Variants in CMPK1 observed in about 807,000 individuals in gnomAD.
The protein encoded by CMPK1 is cytidine/uridine monophosphate kinase 1, also known as UMP-CMP kinase.
In CMPK1, 10 loss-of-function variants were observed where a neutral mutation model predicts 25.7. The ratio of observed to expected loss-of-function variants is 0.39; its 90% CI spans 0.24 to 0.66. The LOEUF is 0.66. CMPK1 is among the 30% of genes least tolerant of loss of function. The pLI is 0.48. For synonymous variants in CMPK1, 106 were observed against 101.5 expected, an observed-to-expected ratio of 1.04 and a Z score of -0.27; for missense variants, 199 against 280.5, an observed-to-expected ratio of 0.71 and a Z score of 2.08.
At chr1:47,358,513 T>G (rs1570368489) in intron 1 of CMPK1, 6 of 1,016,904 alleles carry the variant, frequency 5.9e-6, no homozygotes, top group Non-Finnish European at 7.1e-6. Context: ...TGTGTAGATG[T>G]CATTTTTGGT....
Position 47,377,428 on chromosome 1 carries a change from G to A in CMPK1, c.*683G>A, listed in dbSNP as rs1646715201. On this transcript the variant is annotated 3_prime_UTR_variant, in exon 6 of 6. Transcript: ENST00000371873. Reference sequence around the variant, plus strand: ...AGCTTTAGTCTGACATAATCTAAGGGTATGGGGCAAGGATCACATCTAATG... The same window carrying A: ...AGCTTTAGTCTGACATAATCTAAGGATATGGGGCAAGGATCACATCTAATG... The A allele has an allele frequency of 6.6e-6, 1 of 152,162 alleles. No homozygotes were observed. Among genetic ancestry groups the A allele is most frequent in the Non-Finnish European group, 1.5e-5 (1 of 68,062 alleles). 9.4% of individuals were successfully genotyped at this position (152,162 alleles called of 1,614,324 possible).
chr1:47,338,537 T>TTCCCTCCCTCCCTCTCTCCTTCCC (rs1646416804), intron 1 of CMPK1, among the ~76,000 whole-genome samples: 1 of 62,230 alleles, frequency 1.6e-5, no homozygotes, highest in Non-Finnish European at 3.9e-5. Flanking sequence ...CCCTCTCTCC[T>TTCCCTCCCTCCCTCTCTCCTTCCC]TCCCTCCCTC....
In CMPK1 at chr1:47,349,426, C is replaced by T. The variant is rs141062270; in HGVS notation, c.171+15310C>T. On this transcript the variant is annotated intron_variant, in intron 1 of 5. Transcript: ENST00000371873. Reference sequence around the variant, plus strand: ...CGTATAGAGGAGTAGATGGTCTTACCAGCTCCAAAACAGATCTGTACCTCA... The same window carrying T: ...CGTATAGAGGAGTAGATGGTCTTACTAGCTCCAAAACAGATCTGTACCTCA... Among the ~76,000 whole-genome samples the T allele has an allele frequency of 2.2e-3, 341 of 152,274 alleles. 1 individual carries two copies. Among genetic ancestry groups the T allele is most frequent in the African/African-American group, 7.7e-3 (322 of 41,570 alleles).
intron 1 of CMPK1, among the ~76,000 whole-genome samples, chr1:47,346,265 G>A (rs183843099): frequency 5.1e-4 from 77 of 151,836 alleles, no homozygotes; most frequent in Middle Eastern, 6.8e-3. Context: ...GGCCAGGCTG[G>A]TCTCGAACTC....
intron 1 of CMPK1, among the ~76,000 whole-genome samples, chr1:47,335,826 C>A (rs1646394421): frequency 6.6e-6 from 1 of 151,560 alleles, no homozygotes; most frequent in Non-Finnish European, 1.5e-5. Context: ...TGCGGTGGTG[C>A]GATCTCAGCA....
At chr1:47,353,728 T>C (rs1421241926) in intron 1 of CMPK1, among the ~76,000 whole-genome samples, 1 of 152,150 alleles carries the variant, frequency 6.6e-6, no homozygotes, top group Non-Finnish European at 1.5e-5. Flanking sequence ...TATTTACCTT[T>C]TGTTTTGAGA....
intron 1 of CMPK1, among the ~76,000 whole-genome samples, chr1:47,363,791 A>G (rs984597381): frequency 1.3e-5 from 2 of 150,838 alleles, no homozygotes; most frequent in South Asian, 2.1e-4. Context: ...AAAAATACAA[A>G]TATTAGCCAG....
At chr1:47,359,162 C>G (rs935695457) in intron 1 of CMPK1, among the ~76,000 whole-genome samples, 3 of 151,724 alleles carry the variant, frequency 2.0e-5, no homozygotes, top group Admixed American at 6.6e-5. Flanking sequence ...ACTAAAAATA[C>G]AAAAATTAGC....
intron 1 of CMPK1, among the ~76,000 whole-genome samples, chr1:47,352,961 T>C (rs1450208385): frequency 6.6e-6 from 1 of 152,218 alleles, no homozygotes; most frequent in Non-Finnish European, 1.5e-5. Context: ...AAAAAATTAC[T>C]ACTTTTCAAG....
At chr1:47,374,839 GTTTTC>G (rs1570384586) in intron 3 of CMPK1, 65 bp from the exon 4 acceptor site, 18 of 1,189,956 alleles carry the variant, frequency 1.5e-5, no homozygotes, top group East Asian at 1.0e-4. Context: ...TTAAACTCTT[GTTTTC>G]TTTGCAGGTT....
At chr1:47,359,177 C>A (rs1324490730) in intron 1 of CMPK1, among the ~76,000 whole-genome samples, 1 of 151,664 alleles carries the variant, frequency 6.6e-6, no homozygotes, top group Non-Finnish European at 1.5e-5. Context: ...ATTAGCCTGG[C>A]ATGTTGGCGG....
At chr1:47,347,607 C>G (rs963342238) in intron 1 of CMPK1, among the ~76,000 whole-genome samples, 3 of 152,044 alleles carry the variant, frequency 2.0e-5, no homozygotes, top group Admixed American at 6.6e-5. Context: ...GTGCCATGAT[C>G]TTTTTGTTGT....
intron 1 of CMPK1, among the ~76,000 whole-genome samples, chr1:47,364,430 G>A (rs1298557096): frequency 6.6e-6 from 1 of 151,440 alleles, no homozygotes; most frequent in Non-Finnish European, 1.5e-5. Flanking sequence ...CCATTCTCCT[G>A]CCTCAGCCTC....
intron 1 of CMPK1, among the ~76,000 whole-genome samples, chr1:47,340,335 C>T (rs1244490634): frequency 1.3e-5 from 2 of 151,822 alleles, no homozygotes; most frequent in Admixed American, 6.6e-5. Flanking sequence ...TGGGGTCTCC[C>T]TATGTTGCAC....
At chr1:47,364,926 C>A (rs1481309681) in intron 1 of CMPK1, among the ~76,000 whole-genome samples, 1 of 151,904 alleles carries the variant, frequency 6.6e-6, no homozygotes, top group Non-Finnish European at 1.5e-5. Flanking sequence ...CCTTGCCCAG[C>A]AAATGTTTTT....
At chr1:47,335,295 G>A (rs1325010076) in intron 1 of CMPK1, among the ~76,000 whole-genome samples, 2 of 152,122 alleles carry the variant, frequency 1.3e-5, no homozygotes, top group African/African-American at 4.8e-5. Flanking sequence ...TCCAGAGAAA[G>A]TTAGATGAGT....
chr1:47,375,297 A>T lies in CMPK1; in HGVS notation c.645+4A>T. The T allele has an allele frequency of 6.5e-7, 1 of 1,541,234 alleles. No individual in the cohort carries two copies. Among genetic ancestry groups the T allele is most frequent in the Non-Finnish European group, 8.9e-7 (1 of 1,128,258 alleles). On this transcript the variant is annotated splice_donor_region_variant and intron_variant, in intron 5 of 5. Transcript: ENST00000371873. The stretch of plus-strand genomic sequence containing the variant: ...TGCTTCTAAATCTGTTGATGAAGTA[A>T]GTGTTCCTAGCCTGTCTTTAAAAAA...
At chr1:47,364,007 G>A (rs958809591) in intron 1 of CMPK1, among the ~76,000 whole-genome samples, 2 of 152,070 alleles carry the variant, frequency 1.3e-5, no homozygotes, top group African/African-American at 4.8e-5. Context: ...GATGTTGTGG[G>A]CTCTAAAGCT....
chr1:47,350,184 C>T (rs1261269639), intron 1 of CMPK1, among the ~76,000 whole-genome samples: 2 of 152,082 alleles, frequency 1.3e-5, no homozygotes, highest in Non-Finnish European at 2.9e-5. Flanking sequence ...AACAGTCTGC[C>T]TGCCTCAGCC....
Sources: gnomAD v4.1 joint callset for allele counts (sites outside exome capture counted in the v4.1 genomes callset) on GRCh38, gnomAD v4.1.1 for gene constraint, MANE v1.5 for transcripts, NCBI Gene and HGNC (gene_info 2026-07-23, HGNC 2026-07-21) for gene names.